Variants in EVI5 observed in about 807,000 individuals in gnomAD.
EVI5 encodes the protein ecotropic viral integration site 5 protein homolog.
A neutral mutation model predicts 112.0 loss-of-function variants in EVI5; 73 were observed. The observed-to-expected ratio is 0.65, with a 90% confidence interval of 0.54 to 0.79. EVI5 has a LOEUF of 0.79. Ranked by LOEUF, EVI5 falls within the 30% of genes least tolerant of loss-of-function variation. The pLI is 0.00. For synonymous variants in EVI5, 305 were observed against 319.9 expected, an observed-to-expected ratio of 0.95 and a Z score of 0.50; for missense variants, 900 against 968.8, an observed-to-expected ratio of 0.93 and a Z score of 0.94.
At chr1:92,533,587 A>G (rs1377719131) in intron 19 of EVI5, among the ~76,000 whole-genome samples, 1 of 152,174 alleles carries the variant, frequency 6.6e-6, no homozygotes, top group African/African-American at 2.4e-5. Flanking sequence ...ATCCACCACG[A>G]TCAAGTCAGT....
chr1:92,760,661 G>C (rs1310827838), intron 1 of EVI5, among the ~76,000 whole-genome samples: 1 of 151,746 alleles, frequency 6.6e-6, no homozygotes, highest in African/African-American at 2.4e-5. Context: ...TTGAACCCAG[G>C]AGGCGGAGGT....
At chr1:92,581,693 T>TAAA (rs1553190265) in intron 18 of EVI5, among the ~76,000 whole-genome samples, 1,968 of 148,806 alleles carry the variant, frequency 0.013, 49 homozygotes, top group African/African-American at 0.044. Context: ...AGTTTTTGCT[T>TAAA]AAAAAAAAAA....
At chr1:92,784,535 G>T in intron 1 of EVI5, 1 of 593,608 alleles carries the variant, frequency 1.7e-6, no homozygotes, top group Non-Finnish European at 2.0e-6. Context: ...TTACGAGGAC[G>T]TGCCCCCGAA....
At chr1:92,742,757 T>G (rs527344231) in intron 1 of EVI5, among the ~76,000 whole-genome samples, 2 of 152,308 alleles carry the variant, frequency 1.3e-5, no homozygotes, top group African/African-American at 4.8e-5. Flanking sequence ...TTTTGATGGC[T>G]ATTATCAAAA....
At chr1:92,776,163 T>C (rs1216199776) in intron 1 of EVI5, among the ~76,000 whole-genome samples, 2 of 152,138 alleles carry the variant, frequency 1.3e-5, no homozygotes, top group Non-Finnish European at 2.9e-5. Flanking sequence ...CGCAGGTTTT[T>C]ATTTTTTGCC....
intron 2 of EVI5, among the ~76,000 whole-genome samples, chr1:92,717,781 T>C (rs1674006436): frequency 6.6e-6 from 1 of 152,076 alleles, no homozygotes; most frequent in Non-Finnish European, 1.5e-5. Flanking sequence ...CCCATCAGTG[T>C]GCTGTATTCA....
At chr1:92,775,939 T>G (rs1385130933) in intron 1 of EVI5, among the ~76,000 whole-genome samples, 1 of 151,998 alleles carries the variant, frequency 6.6e-6, no homozygotes, top group Non-Finnish European at 1.5e-5. Context: ...AAACCCTGAT[T>G]CTACTAAAAA....
chr1:92,521,068 C>A (rs972297542), intron 19 of EVI5, among the ~76,000 whole-genome samples: 4 of 151,416 alleles, frequency 2.6e-5, no homozygotes, highest in Admixed American at 6.6e-5. Flanking sequence ...CTCAGGTGAT[C>A]CTCCCACCAC....
chr1:92,648,574 TC>T (rs1294089472), intron 13 of EVI5, among the ~76,000 whole-genome samples: 2 of 152,150 alleles, frequency 1.3e-5, no homozygotes, highest in Non-Finnish European at 2.9e-5. Flanking sequence ...TAATCTGTGT[TC>T]TGTTCTCTTT....
At chr1:92,742,113 A>C (rs562104769) in intron 1 of EVI5, among the ~76,000 whole-genome samples, 1 of 149,206 alleles carries the variant, frequency 6.7e-6, no homozygotes, top group African/African-American at 2.5e-5. Flanking sequence ...TTAATAACAC[A>C]AAAAAAAACA....
At chr1:92,721,749 G>C (rs746969109) in intron 2 of EVI5, among the ~76,000 whole-genome samples, 3 of 152,060 alleles carry the variant, frequency 2.0e-5, no homozygotes, top group Non-Finnish European at 4.4e-5. Flanking sequence ...CTGGTATTCT[G>C]GGGTAAATTG....
intron 1 of EVI5, among the ~76,000 whole-genome samples, chr1:92,778,742 A>G (rs1285156890): frequency 6.6e-6 from 1 of 152,232 alleles, no homozygotes; most frequent in East Asian, 1.9e-4. Context: ...TCGGAGATAG[A>G]AATCAGAATA....
At position 92,636,330 on chromosome 1, in the gene EVI5, A is replaced by G. The variant is rs1451430081; in HGVS notation, c.1399T>C (p.Cys467Arg). The change falls in exon 14 of 20, where the codon TGC becomes CGC. Residue 467 changes from cysteine to arginine, a missense_variant. Cys to Arg is a radical substitution (Grantham distance 180, BLOSUM62 -3). Transcript: ENST00000684568. ...AAATCTTCGTTGTAGTTGGAACTGC[A>G]TTTATGCTAAAGGTTACAGACATAC... ...KLQHQQQWHKCSSNYNEDFVL... is the reference protein window; with the variant it reads ...KLQHQQQWHKRSSNYNEDFVL... The G allele has an allele frequency of 6.2e-7, 1 of 1,613,394 alleles. No individual in the cohort carries two copies. The highest frequency in any genetic ancestry group is 8.5e-7 in the Non-Finnish European group (1 of 1,179,528).
chr1:92,651,364 G>A (rs1034381661), intron 13 of EVI5, among the ~76,000 whole-genome samples: 11 of 152,114 alleles, frequency 7.2e-5, no homozygotes, highest in African/African-American at 2.7e-4. Context: ...TGGAGAAAAG[G>A]AGAAAGAGAG....
intron 18 of EVI5, among the ~76,000 whole-genome samples, chr1:92,589,063 C>A (rs1279301860): frequency 1.3e-5 from 2 of 152,088 alleles, no homozygotes; most frequent in African/African-American, 4.8e-5. Flanking sequence ...CAGAGATACA[C>A]GAAATCAGGT....
chr1:92,571,374 A>T (rs541645803), intron 18 of EVI5, among the ~76,000 whole-genome samples: 1 of 152,004 alleles, frequency 6.6e-6, no homozygotes, highest in Admixed American at 6.6e-5. Context: ...TCTGAATGGG[A>T]TATTCTGATT....
At chr1:92,703,677 A>C (rs564128099) in intron 3 of EVI5, 58 bp from the exon 4 acceptor site, 82 of 1,047,272 alleles carry the variant, frequency 7.8e-5, no homozygotes, top group Admixed American at 3.0e-4. Context: ...CTTGCAAGCC[A>C]AGGAAGACTT....
intron 1 of EVI5, among the ~76,000 whole-genome samples, chr1:92,774,823 C>A (rs1001048640): frequency 6.6e-6 from 1 of 152,114 alleles, no homozygotes; most frequent in African/African-American, 2.4e-5. Flanking sequence ...GCAAACAGTA[C>A]AAGCAGAGAA....
chr1:92,747,002 T>C (rs1302149674), intron 1 of EVI5, among the ~76,000 whole-genome samples: 1 of 152,080 alleles, frequency 6.6e-6, no homozygotes, highest in East Asian at 1.9e-4. Context: ...AGCTATAGAA[T>C]AATTTTTATG....
Sources: allele counts gnomAD v4.1 joint callset (sites outside exome capture counted in the v4.1 genomes callset), GRCh38; gene constraint gnomAD v4.1.1; transcripts MANE v1.5; gene names NCBI Gene and HGNC (gene_info 2026-07-23, HGNC 2026-07-21).